The following DOK5 variants were observed in gnomAD, a reference collection of about 807,000 sequenced individuals.
The protein encoded by DOK5 is downstream of tyrosine kinase 5.
Under a neutral mutation model 43.3 loss-of-function variants are expected in DOK5, and 27 were observed. The ratio of observed to expected loss-of-function variants is 0.62; its 90% confidence interval spans 0.46 to 0.86. The LOEUF (loss-of-function observed/expected upper bound fraction) is 0.86, where lower values mean the gene tolerates loss of function less well. DOK5 is among the 40% of genes least tolerant of loss of function. The probability of loss-of-function intolerance (pLI) is 0.00; values close to 1 mark genes in which losing one functional copy is unlikely to be tolerated. For synonymous variants in DOK5, 146 were observed against 140.1 expected, an observed-to-expected ratio of 1.04 and a Z score of -0.30; for missense variants, 373 against 392.9, an observed-to-expected ratio of 0.95 and a Z score of 0.43.
chr20:54,612,245 GA>G (rs1986673149), intron 6 of DOK5, among the ~76,000 whole-genome samples: 2 of 152,312 alleles, frequency 1.3e-5, no homozygotes, highest in African/African-American at 4.8e-5. Flanking sequence ...CTTATACTTG[GA>G]AAAGAGCAAG....
intron 1 of DOK5, among the ~76,000 whole-genome samples, chr20:54,482,985 G>C (rs1276803092): frequency 1.3e-5 from 2 of 152,146 alleles, no homozygotes; most frequent in Non-Finnish European, 2.9e-5. Context: ...GCATCAGCTG[G>C]GACGACTCAG....
intron 1 of DOK5, among the ~76,000 whole-genome samples, chr20:54,493,610 T>C (rs1982281126): frequency 6.6e-6 from 1 of 152,176 alleles, no homozygotes; most frequent in Admixed American, 6.6e-5. Context: ...GCCACGTACA[T>C]AGTCATCAGT....
At chr20:54,551,388 G>A (rs1020815947) in intron 1 of DOK5, among the ~76,000 whole-genome samples, 2 of 152,052 alleles carry the variant, frequency 1.3e-5, no homozygotes, top group Non-Finnish European at 2.9e-5. Context: ...TTCACATAAC[G>A]GAAGTTTTCA....
chr20:54,591,538 A>T, intron 4 of DOK5, 78 bp from the exon 5 acceptor site: 3 of 1,130,668 alleles, frequency 2.7e-6, no homozygotes, highest in Non-Finnish European at 3.7e-6. Context: ...AATTGTTTTT[A>T]AATGCCTCTA....
At chr20:54,603,919 T>C (rs958275150) in intron 5 of DOK5, among the ~76,000 whole-genome samples, 15 of 150,856 alleles carry the variant, frequency 9.9e-5, no homozygotes, top group Non-Finnish European at 5.9e-5. Flanking sequence ...GAGGGGATTG[T>C]ACTCCACTTG....
chr20:54,604,480 T>C (rs1021917862), intron 5 of DOK5, among the ~76,000 whole-genome samples: 21 of 152,134 alleles, frequency 1.4e-4, no homozygotes, highest in African/African-American at 4.6e-4. Context: ...ACCATGATAT[T>C]ATTCTCAAAT....
intron 1 of DOK5, among the ~76,000 whole-genome samples, chr20:54,543,153 C>A (rs1196092308): frequency 6.6e-6 from 1 of 152,056 alleles, no homozygotes; most frequent in African/African-American, 2.4e-5. Context: ...GACTCTTATA[C>A]AAATGTAGAA....
intron 6 of DOK5, among the ~76,000 whole-genome samples, chr20:54,636,669 C>G (rs142983331): frequency 1.3e-4 from 20 of 152,150 alleles, no homozygotes; most frequent in African/African-American, 4.8e-4. Context: ...GACCTCTGAG[C>G]CTTCGGTGAG....
chr20:54,526,423 T>G (rs1214827070), intron 1 of DOK5, among the ~76,000 whole-genome samples: 1 of 152,210 alleles, frequency 6.6e-6, no homozygotes, highest in East Asian at 1.9e-4. Context: ...CAGAGCTGGC[T>G]ACCCAGGGTG....
intron 1 of DOK5, among the ~76,000 whole-genome samples, chr20:54,510,936 C>A (rs1982994092): frequency 6.6e-6 from 1 of 152,180 alleles, no homozygotes; most frequent in Non-Finnish European, 1.5e-5. Context: ...AGCAGGACAA[C>A]ACAGAGTAGC....
At chr20:54,508,053 C>G (rs959207628) in intron 1 of DOK5, among the ~76,000 whole-genome samples, 4 of 152,126 alleles carry the variant, frequency 2.6e-5, no homozygotes, top group Non-Finnish European at 4.4e-5. Flanking sequence ...GCTTTAGAAG[C>G]TCGAAGATGG....
At chr20:54,577,486 T>C (rs1368582254) in intron 2 of DOK5, among the ~76,000 whole-genome samples, 1 of 152,226 alleles carries the variant, frequency 6.6e-6, no homozygotes, top group Non-Finnish European at 1.5e-5. Context: ...AATGTTCTAG[T>C]ACAGTTTCCT....
At chr20:54,613,192 A>ATCTCTC (rs11468450) in intron 6 of DOK5, among the ~76,000 whole-genome samples, 29 of 142,968 alleles carry the variant, frequency 2.0e-4, no homozygotes, top group African/African-American at 4.3e-4. Flanking sequence ...TCTGCGCCTC[A>ATCTCTC]TCTCTCTCTC....
chr20:54,517,273 C>G (rs1010168649), intron 1 of DOK5, among the ~76,000 whole-genome samples: 1 of 152,132 alleles, frequency 6.6e-6, no homozygotes, highest in Non-Finnish European at 1.5e-5. Context: ...TCTGAATAAT[C>G]GGCATAGGTA....
intron 1 of DOK5, among the ~76,000 whole-genome samples, chr20:54,486,542 A>T (rs995722424): frequency 6.6e-6 from 1 of 151,792 alleles, no homozygotes; most frequent in Non-Finnish European, 1.5e-5. Flanking sequence ...TCTTTCTGGG[A>T]TACTTTCTCA....
intron 2 of DOK5, among the ~76,000 whole-genome samples, chr20:54,562,039 C>G (rs1984926137): frequency 6.6e-6 from 1 of 152,162 alleles, no homozygotes; most frequent in Non-Finnish European, 1.5e-5. Context: ...ATTTCCTCAT[C>G]ATCCAATGCA....
chr20:54,544,862 T>G (rs182694438), intron 1 of DOK5, among the ~76,000 whole-genome samples: 274 of 152,236 alleles, frequency 1.8e-3, no homozygotes, highest in Non-Finnish European at 3.0e-3. Context: ...CAATCTTAGG[T>G]TCTACAGTAC....
intron 5 of DOK5, among the ~76,000 whole-genome samples, chr20:54,605,694 A>G (rs1245200837): frequency 6.6e-6 from 1 of 152,218 alleles, no homozygotes; most frequent in African/African-American, 2.4e-5. Context: ...TTTTCCTAGC[A>G]CTGCCTTCTG....
intron 2 of DOK5, among the ~76,000 whole-genome samples, chr20:54,578,514 G>A (rs1438926317): frequency 2.6e-5 from 4 of 152,144 alleles, no homozygotes; most frequent in Admixed American, 6.5e-5. Flanking sequence ...AAAATACACA[G>A]AAGTTATTTT....
Sources: gnomAD v4.1 joint callset for allele counts (sites outside exome capture counted in the v4.1 genomes callset) on GRCh38, gnomAD v4.1.1 for gene constraint, MANE v1.5 for transcripts, NCBI Gene and HGNC (gene_info 2026-07-23, HGNC 2026-07-21) for gene names.